UBE2E3: variants seen among roughly 807,000 people sequenced by gnomAD.
UBE2E3 encodes ubiquitin-conjugating enzyme E2 E3.
Under a neutral mutation model 23.6 loss-of-function variants are expected in UBE2E3, and 5 were observed. The observed-to-expected ratio is 0.21, with a 90% confidence interval of 0.11 to 0.44. The LOEUF is 0.44. Ranked by LOEUF, UBE2E3 falls within the 20% of genes least tolerant of loss-of-function variation. The pLI is 0.99. For missense variants in UBE2E3, 81 were observed against 249.8 expected (o/e 0.32, Z 4.55); for synonymous variants, 78 against 87.5 (o/e 0.89, Z 0.60).
At chr2:181,039,939 TTTTA>T (rs1329722446) in intron 3 of UBE2E3, among the ~76,000 whole-genome samples, 3 of 152,194 alleles carry the variant, frequency 2.0e-5, no homozygotes, top group African/African-American at 7.2e-5. Flanking sequence ...TGTATTGGCT[TTTTA>T]TTTGTGTGAT....
chr2:181,015,889 G>A (rs1685471163), intron 3 of UBE2E3, among the ~76,000 whole-genome samples: 1 of 151,952 alleles, frequency 6.6e-6, no homozygotes, highest in African/African-American at 2.4e-5. Context: ...TGCTGCAAGT[G>A]CCCAAACTAG....
intron 3 of UBE2E3, among the ~76,000 whole-genome samples, chr2:181,001,542 T>A (rs1049519073): frequency 6.6e-6 from 1 of 151,968 alleles, no homozygotes; most frequent in African/African-American, 2.4e-5. Flanking sequence ...GATAAGTAGG[T>A]TTGCTTAAGC....
chr2:181,034,334 A>G (rs1195706936), intron 3 of UBE2E3, among the ~76,000 whole-genome samples: 1 of 152,250 alleles, frequency 6.6e-6, no homozygotes, highest in African/African-American at 2.4e-5. Context: ...ACACCATGGA[A>G]TACTGTGCAG....
intron 3 of UBE2E3, among the ~76,000 whole-genome samples, chr2:180,992,774 G>C (rs1055521428): frequency 1.3e-5 from 2 of 151,712 alleles, no homozygotes; most frequent in African/African-American, 4.8e-5. Context: ...CAATTCTCCT[G>C]CCTCAGCCTC....
chr2:181,006,413 C>T (rs1394763354), intron 3 of UBE2E3, among the ~76,000 whole-genome samples: 1 of 150,828 alleles, frequency 6.6e-6, no homozygotes, highest in Non-Finnish European at 1.5e-5. Flanking sequence ...TTTTGCCGTT[C>T]CAGATTCCAT....
chr2:181,009,821 A>G (rs1226782006), intron 3 of UBE2E3, among the ~76,000 whole-genome samples: 2 of 152,124 alleles, frequency 1.3e-5, no homozygotes, highest in African/African-American at 4.8e-5. Flanking sequence ...CTAGAATGTA[A>G]GTTTGTATTA....
At chr2:181,024,622 A>T (rs931942716) in intron 3 of UBE2E3, among the ~76,000 whole-genome samples, 1 of 152,098 alleles carries the variant, frequency 6.6e-6, no homozygotes, top group Non-Finnish European at 1.5e-5. Context: ...TGTTACAGTA[A>T]TCTATTTTTC....
At chr2:181,005,556 G>C (rs1246337257) in intron 3 of UBE2E3, among the ~76,000 whole-genome samples, 1 of 152,052 alleles carries the variant, frequency 6.6e-6, no homozygotes, top group Non-Finnish European at 1.5e-5. Context: ...GGACTGATAG[G>C]CATTATCTAT....
intron 3 of UBE2E3, among the ~76,000 whole-genome samples, chr2:181,025,421 T>C (rs1321413145): frequency 6.6e-6 from 1 of 152,004 alleles, no homozygotes; most frequent in African/African-American, 2.4e-5. Context: ...CCTGACAGTT[T>C]ATGTTAAAAT....
At chr2:181,023,808 G>T (rs1220580269) in intron 3 of UBE2E3, among the ~76,000 whole-genome samples, 1 of 152,092 alleles carries the variant, frequency 6.6e-6, no homozygotes, top group African/African-American at 2.4e-5. Context: ...GATAATTTTG[G>T]TGTGAGAATT....
At chr2:181,019,614 G>A (rs988781500) in intron 3 of UBE2E3, among the ~76,000 whole-genome samples, 5 of 152,046 alleles carry the variant, frequency 3.3e-5, no homozygotes, top group African/African-American at 1.2e-4. Flanking sequence ...GGAACACAAT[G>A]TACCAGTGAT....
At chr2:180,987,324 CATCT>C in intron 3 of UBE2E3, 3 of 1,549,146 alleles carry the variant, frequency 1.9e-6, no homozygotes, top group East Asian at 2.4e-5. Context: ...ATTTACTTTC[CATCT>C]GTTTCCCAGA....
At chr2:180,994,598 T>C (rs1173744132) in intron 3 of UBE2E3, among the ~76,000 whole-genome samples, 2 of 152,196 alleles carry the variant, frequency 1.3e-5, no homozygotes, top group Non-Finnish European at 2.9e-5. Flanking sequence ...TCCCCACAGT[T>C]ATTTGAGTGA....
At chr2:181,058,675 T>G (rs1384668507) in intron 4 of UBE2E3, among the ~76,000 whole-genome samples, 1 of 151,806 alleles carries the variant, frequency 6.6e-6, no homozygotes, top group African/African-American at 2.4e-5. Context: ...CTCTGTACTT[T>G]TAAAAATTTA....
chr2:181,049,484 C>G (rs1464399993), intron 3 of UBE2E3, among the ~76,000 whole-genome samples: 3 of 151,974 alleles, frequency 2.0e-5, no homozygotes, highest in African/African-American at 7.2e-5. Context: ...GTGTACAGTA[C>G]TTTGCAATAA....
chr2:181,027,770 T>TA (rs1294079090), intron 3 of UBE2E3, among the ~76,000 whole-genome samples: 13 of 152,132 alleles, frequency 8.5e-5, no homozygotes, highest in African/African-American at 3.1e-4. Context: ...CTTTCTTTGC[T>TA]GTCACTCTTA....
intron 3 of UBE2E3, among the ~76,000 whole-genome samples, chr2:181,048,277 C>T (rs780338493): frequency 2.0e-4 from 30 of 152,122 alleles, no homozygotes; most frequent in Admixed American, 2.6e-4. Flanking sequence ...CTGAAATCTC[C>T]ATTGTATATT....
At chr2:181,057,980 G>A (rs1016271367) in intron 4 of UBE2E3, among the ~76,000 whole-genome samples, 155 bp downstream of exon 4, 7 of 151,742 alleles carry the variant, frequency 4.6e-5, no homozygotes, top group South Asian at 2.1e-4. Flanking sequence ...TTTTAAAACA[G>A]TAATTGACTC....
At chr2:181,011,402 T>G (rs997200018) in intron 3 of UBE2E3, among the ~76,000 whole-genome samples, 3 of 151,946 alleles carry the variant, frequency 2.0e-5, no homozygotes, top group African/African-American at 7.3e-5. Flanking sequence ...CTTTTATAAT[T>G]AACTCACTCT....
Sources: allele counts gnomAD v4.1 joint callset (sites outside exome capture counted in the v4.1 genomes callset), GRCh38; gene constraint gnomAD v4.1.1; transcripts MANE v1.5; gene names NCBI Gene and HGNC (gene_info 2026-07-23, HGNC 2026-07-21).